DLG2: variants seen among roughly 807,000 people sequenced by gnomAD.
DLG2 encodes discs large MAGUK scaffold protein 2.
Under a neutral mutation model 132.5 loss-of-function variants are expected in DLG2, and 45 were observed. The observed-to-expected ratio is 0.34, with a 90% CI of 0.27 to 0.44. The LOEUF (loss-of-function observed/expected upper bound fraction) is 0.44, where lower values mean the gene tolerates loss of function less well. Among genes scored for constraint, DLG2 ranks in the 20% least tolerant of loss-of-function variants. DLG2 has a pLI of 1.00. For synonymous variants in DLG2, 424 were observed against 419.6 expected (o/e 1.01, Z -0.13); for missense variants, 1,045 against 1,196.9 (o/e 0.87, Z 1.87).
intron 19 of DLG2, among the ~76,000 whole-genome samples, chr11:83,548,553 A>T (rs2096295945): frequency 1.3e-5 from 2 of 152,158 alleles, no homozygotes; most frequent in Admixed American, 6.6e-5. Context: ...GGAATAAAAC[A>T]ACTACTCAGC....
At chr11:83,698,912 C>T (rs2082378087) in intron 18 of DLG2, among the ~76,000 whole-genome samples, 1 of 152,166 alleles carries the variant, frequency 6.6e-6, no homozygotes, top group South Asian at 2.1e-4. Flanking sequence ...TGCTAAATGA[C>T]AGCCAAAAAT....
At chr11:84,039,532 C>A (rs2095994351) in intron 11 of DLG2, among the ~76,000 whole-genome samples, 1 of 59,162 alleles carries the variant, frequency 1.7e-5, no homozygotes, top group Non-Finnish European at 4.8e-5. Flanking sequence ...ATCCATGTCC[C>A]TACAAAGGAC....
At chr11:84,655,139 C>A (rs1208009875) in intron 6 of DLG2, among the ~76,000 whole-genome samples, 1 of 152,134 alleles carries the variant, frequency 6.6e-6, no homozygotes, top group Non-Finnish European at 1.5e-5. Context: ...ATGAAAGGCT[C>A]TGATCTGCCC....
rs151086109 is a variant in DLG2, at chr11:85,558,610, A to G, written c.40+40047T>C. Among the ~76,000 whole-genome samples the G allele has an allele frequency of 1.5e-3, 226 of 152,042 alleles. 5 individuals carry two copies. The highest frequency in any genetic ancestry group is 2.4e-3 in the Non-Finnish European group (162 of 67,890). On this transcript the variant is annotated intron_variant, in intron 3 of 27. Coordinates refer to ENST00000376104, the MANE Select transcript of DLG2 (RefSeq NM_001142699.3). ...ATACACCGTGGAATACTATGCAGCC[A>G]TGAAAAAGAATGAAATCATGCCCTT...
chr11:84,656,721 G>GA (rs1225957262), intron 6 of DLG2, among the ~76,000 whole-genome samples: 4 of 151,940 alleles, frequency 2.6e-5, no homozygotes, highest in Non-Finnish European at 4.4e-5. Flanking sequence ...GTCACCTTAG[G>GA]AAAAAATCTC....
intron 19 of DLG2, among the ~76,000 whole-genome samples, chr11:83,553,889 C>T (rs866578248): frequency 1.4e-5 from 2 of 142,880 alleles, no homozygotes. Context: ...ACAATCTTTT[C>T]TTTTTTTTTC....
chr11:84,632,084 G>T, intron 6 of DLG2, among the ~76,000 whole-genome samples: 1 of 152,160 alleles, frequency 6.6e-6, no homozygotes, highest in East Asian at 1.9e-4. Context: ...ATACTAAACA[G>T]TTTTGCCTAA....
chr11:84,313,070 A>C (rs112444578), intron 7 of DLG2, among the ~76,000 whole-genome samples: 2 of 151,896 alleles, frequency 1.3e-5, no homozygotes, highest in African/African-American at 2.4e-5. Flanking sequence ...TCAGCTCCCA[A>C]AGTGCTGGGA....
chr11:85,051,986 T>C (rs1386404533), intron 6 of DLG2, among the ~76,000 whole-genome samples: 1 of 152,136 alleles, frequency 6.6e-6, no homozygotes, highest in Non-Finnish European at 1.5e-5. Flanking sequence ...GTAATGTATT[T>C]AAAATTCTAA....
At chr11:83,687,999 A>C (rs1298859709) in intron 18 of DLG2, among the ~76,000 whole-genome samples, 2 of 151,598 alleles carry the variant, frequency 1.3e-5, no homozygotes, top group South Asian at 4.2e-4. Flanking sequence ...TGACAGAGCA[A>C]GGCCCTGTCT....
At chr11:83,942,685 C>T (rs755000891) in intron 14 of DLG2, among the ~76,000 whole-genome samples, 18 of 151,738 alleles carry the variant, frequency 1.2e-4, no homozygotes, top group Non-Finnish European at 1.5e-4. Context: ...CTCTGAATGG[C>T]GGGATTATGG....
chr11:85,142,272 T>C (rs2076544108), intron 5 of DLG2, among the ~76,000 whole-genome samples: 1 of 151,852 alleles, frequency 6.6e-6, no homozygotes, highest in Admixed American at 6.6e-5. Flanking sequence ...GATCATTTAC[T>C]TCTGTGATTA....
intron 15 of DLG2, among the ~76,000 whole-genome samples, chr11:83,929,595 T>C (rs1328206332): frequency 2.0e-5 from 3 of 152,206 alleles, no homozygotes; most frequent in Non-Finnish European, 4.4e-5. Flanking sequence ...GTTGAAAGAC[T>C]CAAAACATTC....
chr11:83,644,875 A>C (rs935904863), intron 18 of DLG2, among the ~76,000 whole-genome samples: 1 of 152,116 alleles, frequency 6.6e-6, no homozygotes, highest in Non-Finnish European at 1.5e-5. Flanking sequence ...ACCCTATGCC[A>C]TTCATTGCAT....
At chr11:84,922,623 C>A (rs2092806329) in intron 6 of DLG2, among the ~76,000 whole-genome samples, 1 of 152,140 alleles carries the variant, frequency 6.6e-6, no homozygotes, top group Non-Finnish European at 1.5e-5. Flanking sequence ...AGGTATCCCA[C>A]AGAGCACATC....
At chr11:84,574,129 C>G (rs570725942) in intron 6 of DLG2, among the ~76,000 whole-genome samples, 1 of 152,224 alleles carries the variant, frequency 6.6e-6, no homozygotes, top group East Asian at 1.9e-4. Context: ...TGTTCCCACT[C>G]CTCTGGGTGG....
chr11:85,310,117 A>C (rs2080220785), intron 3 of DLG2, among the ~76,000 whole-genome samples: 1 of 152,164 alleles, frequency 6.6e-6, no homozygotes, highest in Admixed American at 6.5e-5. Context: ...GCACTATCTA[A>C]AATGAAAGGT....
At chr11:84,493,759 A>C (rs1156945144) in intron 7 of DLG2, among the ~76,000 whole-genome samples, 6 of 152,120 alleles carry the variant, frequency 3.9e-5, no homozygotes, top group Admixed American at 3.9e-4. Flanking sequence ...TAGGTCCCTG[A>C]TAATGTATAC....
intron 3 of DLG2, among the ~76,000 whole-genome samples, chr11:85,475,591 T>G (rs1485676855): frequency 3.9e-5 from 6 of 152,118 alleles, no homozygotes. Flanking sequence ...ACTAACAAAA[T>G]TATCTCAAAA....
Sources: gnomAD v4.1 joint callset for allele counts (sites outside exome capture counted in the v4.1 genomes callset) on GRCh38, gnomAD v4.1.1 for gene constraint, MANE v1.5 for transcripts, NCBI Gene and HGNC (gene_info 2026-07-23, HGNC 2026-07-21) for gene names.